The following MRPL43 variants were observed in gnomAD, a reference collection of about 807,000 sequenced individuals.
The protein encoded by MRPL43 is mitochondrial ribosomal protein L43.
Under a neutral mutation model 12.7 loss-of-function variants are expected in MRPL43, and 9 were observed. The observed-to-expected ratio is 0.71, with a 90% confidence interval of 0.43 to 1.24. The LOEUF (loss-of-function observed/expected upper bound fraction) is 1.24. Ranked by LOEUF, MRPL43 falls within the 50% of genes most tolerant of loss-of-function variation. MRPL43 has a pLI of 0.00. For missense variants in MRPL43, 211 were observed against 229.2 expected (o/e 0.92, Z 0.51); for synonymous variants, 116 against 96.4 (o/e 1.20, Z -1.19).
chr10:100,983,433 C>T (rs1355476316), downstream of MRPL43: 1 of 1,613,684 alleles, frequency 6.2e-7, no homozygotes, highest in Non-Finnish European at 8.5e-7. Context: ...GAGCGATGGG[C>T]AGGGTGGCTA....
downstream of MRPL43, chr10:100,981,258 G>A: frequency 6.2e-7 from 1 of 1,611,064 alleles, no homozygotes; most frequent in Non-Finnish European, 8.5e-7. Context: ...TGTGGGTCTA[G>A]CTACGCAGAC....
downstream of MRPL43, chr10:100,980,098 C>T (rs1033163133): frequency 1.2e-5 from 20 of 1,613,388 alleles, no homozygotes; most frequent in Non-Finnish European, 1.6e-5. Context: ...TCCCGAGGTT[C>T]ACCACCTTCG....
downstream of MRPL43, among the ~76,000 whole-genome samples, chr10:100,982,480 T>C (rs1417189154): frequency 6.6e-6 from 1 of 152,152 alleles, no homozygotes; most frequent in Non-Finnish European, 1.5e-5. Flanking sequence ...AAACAGAATC[T>C]TAGTGACAGT....
At chr10:100,982,960 C>G (rs191629710), downstream of MRPL43, among the ~76,000 whole-genome samples, 1 of 152,312 alleles carries the variant, frequency 6.6e-6, no homozygotes, top group African/African-American at 2.4e-5. Context: ...GTCCAAGAGA[C>G]CTCATGTGGA....
At chr10:100,984,293 A>G, downstream of MRPL43, 7 of 1,439,208 alleles carry the variant, frequency 4.9e-6, no homozygotes, top group East Asian at 2.5e-5. Context: ...GCCCAGCCAA[A>G]GCCCCCTCCT....
chr10:100,979,628 G>A (rs1453809998), downstream of MRPL43, among the ~76,000 whole-genome samples: 3 of 152,056 alleles, frequency 2.0e-5, no homozygotes, highest in Non-Finnish European at 2.9e-5. Flanking sequence ...TGATCTGCTC[G>A]CCTCGGCCTC....
chr10:100,984,377 C>T, downstream of MRPL43: 1 of 1,448,574 alleles, frequency 6.9e-7, no homozygotes, highest in Non-Finnish European at 9.0e-7. Context: ...CCCTCAGGAT[C>T]AGGTGCCCTG....
downstream of MRPL43, chr10:100,984,494 G>T: frequency 6.5e-7 from 1 of 1,533,854 alleles, no homozygotes. Context: ...TCCCAGGCAG[G>T]GCTCTGCAGG....
Position 100,987,490 on chromosome 10 carries a change from G to T in MRPL43, c.-47C>A. The T allele has an allele frequency of 6.2e-7, 1 of 1,600,394 alleles. No individual in the cohort carries two copies. Among genetic ancestry groups the T allele is most frequent in the Non-Finnish European group, 8.5e-7 (1 of 1,173,958 alleles). The stretch of plus-strand genomic sequence containing the variant: ...GAGCCTAAGCAGCGAGGAGAGGGGG[G>T]CGGGACTAAACCTCGAGGCTTCCGG... On this transcript the variant is annotated 5_prime_UTR_variant, in exon 1 of 3. Coordinates refer to ENST00000318364, the MANE Select transcript of MRPL43 (RefSeq NM_032112.3).
downstream of MRPL43, chr10:100,981,078 G>A (rs186915846): frequency 1.9e-5 from 30 of 1,605,162 alleles, no homozygotes; most frequent in East Asian, 6.5e-4. Context: ...GAGTGCAGGG[G>A]CTAGTTATTA....
downstream of MRPL43, chr10:100,978,487 A>G (rs1270682236): frequency 1.2e-6 from 2 of 1,603,508 alleles, no homozygotes; most frequent in Non-Finnish European, 1.7e-6. Context: ...GCCCTGTTGA[A>G]TATGACATGT....
chr10:100,980,990 G>A, downstream of MRPL43: 1 of 1,596,220 alleles, frequency 6.3e-7, no homozygotes, highest in Non-Finnish European at 8.5e-7. Context: ...CAGGTCCCAG[G>A]GAAGCAGGTG....
At position 100,986,741 on chromosome 10, in the gene MRPL43, G is replaced by T; in HGVS notation, c.473C>A (p.Ala158Glu). Reference sequence around the variant, plus strand: ...AGTTGGTGGGGCAACTCTTCACTGTGCTTGCACCTGGGCTGGGGCAGGATC... The same window carrying T: ...AGTTGGTGGGGCAACTCTTCACTGTTCTTGCACCTGGGCTGGGGCAGGATC... Reference protein sequence around the residue: ...VQDPAPAQVQAQ With the variant: ...VQDPAPAQVQEQ The change falls in exon 3 of 3, where the codon GCA becomes GAA. Residue 158 changes from alanine to glutamate, a missense_variant. Transcript: ENST00000318364. The T allele has an allele frequency of 6.2e-7, 1 of 1,613,962 alleles. No homozygotes were observed. Among genetic ancestry groups the T allele is most frequent in the African/African-American group, 1.3e-5 (1 of 75,068 alleles).
Position 100,986,772 on chromosome 10 carries a change from C to T in MRPL43, c.442G>A (p.Val148Ile). The T allele has an allele frequency of 6.2e-7, 1 of 1,613,870 alleles. No homozygotes were observed. The highest frequency in any genetic ancestry group is 8.5e-7 in the Non-Finnish European group (1 of 1,180,020). Residue 148 changes from valine to isoleucine, a missense_variant, in exon 3 of 3, where the codon GTT (valine) becomes ATT (isoleucine). Coordinates refer to ENST00000318364, the MANE Select transcript of MRPL43 (RefSeq NM_032112.3). ...ACCTGGGCTGGGGCAGGATCCTGAA[C>T]CTCTCGGGGGCGTAGCCCGCGGAAC... ...TTFRGLRPRE[V>I]QDPAPAQVQA...
downstream of MRPL43, chr10:100,979,797 G>A: frequency 1.2e-6 from 2 of 1,601,086 alleles, no homozygotes; most frequent in Non-Finnish European, 1.7e-6. Flanking sequence ...GAGTTGGGGG[G>A]CAGGCTTGAC....
downstream of MRPL43, chr10:100,983,504 T>C (rs774952582): frequency 1.2e-5 from 20 of 1,614,068 alleles, 1 homozygote; most frequent in Middle Eastern, 4.9e-4. Flanking sequence ...GTGGCAACTA[T>C]GGCTGCTATG....
chr10:100,979,792 G>C (rs1189277104), downstream of MRPL43: 1 of 1,597,122 alleles, frequency 6.3e-7, no homozygotes, highest in East Asian at 2.2e-5. Flanking sequence ...AGCACGAGTT[G>C]GGGGGCAGGC....
At chr10:100,983,359 TG>T, downstream of MRPL43, 1 of 1,603,206 alleles carries the variant, frequency 6.2e-7, no homozygotes, top group Non-Finnish European at 8.5e-7. Context: ...GATGTCCTCC[TG>T]CCCTGTGACC....
At position 100,987,486 on chromosome 10, in the gene MRPL43, G is replaced by A. The variant is rs571481681; in HGVS notation, c.-43C>T. On this transcript the variant is annotated 5_prime_UTR_variant, in exon 1 of 3. Coordinates refer to ENST00000318364, the MANE Select transcript of MRPL43 (RefSeq NM_032112.3). ...CGCGGAGCCTAAGCAGCGAGGAGAGGGGGGCGGGACTAAACCTCGAGGCTT... is the reference window on the plus strand; with the variant it reads ...CGCGGAGCCTAAGCAGCGAGGAGAGAGGGGCGGGACTAAACCTCGAGGCTT... 8 of 1,603,210 alleles carry A rather than the reference G, an allele frequency of 5.0e-6. No individual in the cohort carries two copies. The highest frequency in any genetic ancestry group is 3.4e-5 in the Admixed American group (2 of 59,346).
Sources: gnomAD v4.1 joint callset for allele counts (sites outside exome capture counted in the v4.1 genomes callset) on GRCh38, gnomAD v4.1.1 for gene constraint, MANE v1.5 for transcripts, NCBI Gene and HGNC (gene_info 2026-07-23, HGNC 2026-07-21) for gene names.